Variants in ABCC5 observed in about 807,000 individuals in gnomAD.
ABCC5 encodes the protein ATP-binding cassette sub-family C member 5.
Under a neutral mutation model 160.9 loss-of-function variants are expected in ABCC5, and 61 were observed. The ratio of observed to expected loss-of-function variants is 0.38; its 90% CI spans 0.31 to 0.47. The LOEUF is 0.47. ABCC5 is among the 20% of genes least tolerant of loss of function. ABCC5 has a pLI of 0.99. For synonymous variants in ABCC5, 666 were observed against 700.6 expected (o/e 0.95, Z 0.78); for missense variants, 1,308 against 1,813.3 (o/e 0.72, Z 5.06).
intron 17 of ABCC5, among the ~76,000 whole-genome samples, chr3:183,957,907 G>T (rs1716331913): frequency 6.8e-6 from 1 of 146,080 alleles, no homozygotes; most frequent in African/African-American, 2.6e-5. Flanking sequence ...GTTACATGCG[G>T]ATCCGTGTGT....
chr3:183,957,106 G>A (rs1400495257), intron 17 of ABCC5, among the ~76,000 whole-genome samples: 10 of 74,026 alleles, frequency 1.4e-4, no homozygotes, highest in East Asian at 4.8e-4. Context: ...GGTTACATGC[G>A]GGTCCGTGTG....
intron 17 of ABCC5, among the ~76,000 whole-genome samples, chr3:183,954,800 C>G (rs982682587): frequency 2.6e-5 from 4 of 152,084 alleles, no homozygotes; most frequent in Non-Finnish European, 5.9e-5. Context: ...TCAGGAGGTC[C>G]TGAGAACAGG....
intron 10 of ABCC5, among the ~76,000 whole-genome samples, chr3:183,972,455 G>A (rs869335): frequency 0.046 from 7,011 of 152,168 alleles, 260 homozygotes; most frequent in East Asian, 0.17. Context: ...TTCATCTACC[G>A]CAGAGAACAT....
chr3:183,953,360 C>G, intron 17 of ABCC5, 90 bp from the exon 18 acceptor site: 2 of 1,209,080 alleles, frequency 1.7e-6, no homozygotes, highest in South Asian at 3.2e-5. Context: ...ATCGGACAAC[C>G]GGCAGCTTCA....
At position 183,951,424 on chromosome 3, in the gene ABCC5, G is replaced by A. The variant is rs372787700; in HGVS notation, c.2944+17C>T. 3.1e-6 allele frequency: 5 copies of A among 1,613,156 alleles called. No homozygotes were observed. The African/African-American group carries it at 4.0e-5, about 13-fold the overall frequency. On this transcript the variant is annotated intron_variant, in intron 20 of 29. Coordinates refer to ENST00000334444, the MANE Select transcript of ABCC5 (RefSeq NM_005688.4). The surrounding 1 kb of genome is among the most constrained non-coding windows in gnomAD (Gnocchi z 4.7). ...AGTGAGCTCCAGAGTATTAAAAAAA[G>A]GCTCAGTGAGAAATACCTTCATCCA...
chr3:183,921,248 G>T lies in ABCC5; in HGVS notation c.*52C>A. 9.1e-7 allele frequency: 1 copy of T among 1,100,388 alleles called. No homozygotes were observed. The highest frequency in any genetic ancestry group is 1.4e-6 in the Non-Finnish European group (1 of 737,722). The allele number at this position is 1,100,388 out of a possible 1,614,324, so 68.2% of individuals were successfully genotyped here. Reference sequence around the variant, plus strand: ...AGGACGCGATGAGGGGCCCGCCCCAGGCAGGGAATGGCAATGCTCTAAAGA... The same window carrying T: ...AGGACGCGATGAGGGGCCCGCCCCATGCAGGGAATGGCAATGCTCTAAAGA... On this transcript the variant is annotated 3_prime_UTR_variant, in exon 30 of 30. Coordinates refer to ENST00000334444, the MANE Select transcript of ABCC5 (RefSeq NM_005688.4). This position sits in a 1 kb window ranked among gnomAD's most constrained non-coding sequence, Gnocchi z 4.1.
intron 26 of ABCC5, among the ~76,000 whole-genome samples, chr3:183,937,213 C>T (rs1426045115): frequency 2.0e-5 from 3 of 151,982 alleles, no homozygotes; most frequent in Non-Finnish European, 4.4e-5. Flanking sequence ...CTCATCTCTA[C>T]TAAAAATACA....
Position 183,949,813 on chromosome 3 carries a change from G to C in ABCC5, c.3167C>G (p.Ser1056Cys). 6.2e-7 allele frequency: 1 copy of C among 1,614,184 alleles called. No individual in the cohort carries two copies. The highest frequency in any genetic ancestry group is 1.7e-5 in the Admixed American group (1 of 60,016). Reference protein sequence around the residue: ...TQSPFLSHITSSIQGLATIHA... With the variant: ...TQSPFLSHITCSIQGLATIHA... ...GATGGTGGCAAGGCCCTGTATGCTGGACGTGATGTGGGAGAGGAAAGGTGA... is the reference window on the plus strand; with the variant it reads ...GATGGTGGCAAGGCCCTGTATGCTGCACGTGATGTGGGAGAGGAAAGGTGA... Residue 1056 changes from serine (S) to cysteine (C), a missense_variant, in exon 22 of 30, where the codon TCC becomes TGC. Ser to Cys is a moderately radical substitution (Grantham distance 112). Around this residue, in one of 3 missense-constraint regions of ABCC5, gnomAD observed 1,142 missense variants for 1,527.1 expected, o/e 0.75. Coordinates refer to ENST00000334444, the MANE Select transcript of ABCC5 (RefSeq NM_005688.4). This position sits in a 1 kb window ranked among gnomAD's most constrained non-coding sequence, Gnocchi z 4.2.
chr3:183,954,811 C>A (rs1260643373), intron 17 of ABCC5, among the ~76,000 whole-genome samples: 1 of 152,088 alleles, frequency 6.6e-6, no homozygotes, highest in Non-Finnish European at 1.5e-5. Flanking sequence ...TGAGAACAGG[C>A]CCAAGGCAGT....
Position 183,988,441 on chromosome 3 carries a change from C to T in ABCC5, c.443+131G>A. The T allele has an allele frequency of 9.0e-7, 1 of 1,116,150 alleles. No individual in the cohort carries two copies. Among genetic ancestry groups the T allele is most frequent in the Non-Finnish European group, 1.3e-6 (1 of 796,726 alleles). The allele number at this position is 1,116,150 out of a possible 1,614,324, so 69.1% of individuals were successfully genotyped here. ...TAAAGCAAAAGAGCAAAGAGAAAGTCATCCCCAGGCCGCCCGCCCTCCACT... is the reference window on the plus strand; with the variant it reads ...TAAAGCAAAAGAGCAAAGAGAAAGTTATCCCCAGGCCGCCCGCCCTCCACT... On this transcript the variant is annotated intron_variant, in intron 4 of 29. Transcript: ENST00000334444. This position sits in a 1 kb window ranked among gnomAD's most constrained non-coding sequence, Gnocchi z 4.4.
chr3:183,976,253 A>C (rs1005864524), intron 10 of ABCC5, among the ~76,000 whole-genome samples: 2 of 151,262 alleles, frequency 1.3e-5, no homozygotes, highest in African/African-American at 4.9e-5. Flanking sequence ...ACAAACAACA[A>C]CAAAAAAAAA....
In ABCC5 at chr3:183,977,531, C is replaced by G; in HGVS notation, c.1390G>C (p.Val464Leu). 6.2e-7 allele frequency: 1 copy of G among 1,613,436 alleles called. No individual in the cohort carries two copies. The highest frequency in any genetic ancestry group is 8.5e-7 in the Non-Finnish European group (1 of 1,179,434). Residue 464 changes from valine (V) to leucine (L), a missense_variant, in exon 10 of 30, where the codon GTT (valine) becomes CTT (leucine). By Grantham distance (32) the Val-to-Leu change is conservative. Around this residue, in one of 3 missense-constraint regions of ABCC5, gnomAD observed 1,142 missense variants for 1,527.1 expected, o/e 0.75. Coordinates refer to ENST00000334444, the MANE Select transcript of ABCC5 (RefSeq NM_005688.4). ...GAGCCACTTACCTTAAATCTGTCAA[C>G]AGCCACTGAGGCTTCTGAGAGGGAC... The part of the protein sequence containing the change: ...VKSLSEASVA[V>L]DRFKSLFLME...
chr3:183,925,797 TATTTC>T lies in ABCC5; in HGVS notation c.4048-83_4048-79del. 3 of 1,387,002 alleles carry T rather than the reference TATTTC, an allele frequency of 2.2e-6. No individual in the cohort carries two copies. The South Asian group carries it at 4.1e-5, about 19-fold the overall frequency. 85.9% of individuals were successfully genotyped at this position (1,387,002 alleles called of 1,614,324 possible). ...GGTTAATCTAGATTTTACTAAAATGTATTTCATTTAAGTTTTACACTATCTATTGT... is the reference window on the plus strand; with the variant it reads ...GGTTAATCTAGATTTTACTAAAATGTATTTAAGTTTTACACTATCTATTGT... On this transcript the variant is annotated intron_variant, in intron 28 of 29. Transcript: ENST00000334444.
chr3:183,921,588 A>G lies in ABCC5; in HGVS notation c.4213-187T>C, dbSNP rs1356960914. On this transcript the variant is annotated intron_variant, in intron 29 of 29. Transcript: ENST00000334444. The surrounding 1 kb of genome is among the most constrained non-coding windows in gnomAD (Gnocchi z 4.1). ...ATCCAGGGAGTAAGGGAAAGGACAG[A>G]GAAAATGACTTCCAGCATTTTTGTA... is the stretch of plus-strand genomic sequence containing the variant. 6.6e-6 allele frequency among the ~76,000 whole-genome samples: 1 copy of G among 152,004 alleles called. No homozygotes were observed. Among genetic ancestry groups the G allele is most frequent in the East Asian group, 1.9e-4 (1 of 5,182 alleles).
chr3:183,974,498 G>A (rs372993616), intron 10 of ABCC5, among the ~76,000 whole-genome samples: 17 of 152,172 alleles, frequency 1.1e-4, no homozygotes, highest in African/African-American at 3.9e-4. Context: ...TAGTAGAGAC[G>A]GGGTTTCATA....
chr3:183,984,947 A>G, intron 5 of ABCC5: 1 of 1,496,032 alleles, frequency 6.7e-7, no homozygotes, highest in Non-Finnish European at 9.0e-7. Context: ...ATACCTTTAG[A>G]GTGCCATTTT....
At chr3:183,984,992 T>C in intron 5 of ABCC5, 1 of 1,032,464 alleles carries the variant, frequency 9.7e-7, no homozygotes, top group South Asian at 1.4e-5. Context: ...GCCTCCCAGA[T>C]GGGAGGAGCA....
At chr3:183,925,110 A>C (rs1281563298) in intron 29 of ABCC5, among the ~76,000 whole-genome samples, 1 of 152,220 alleles carries the variant, frequency 6.6e-6, no homozygotes, top group East Asian at 1.9e-4. Context: ...CAAAAAAGCA[A>C]ACATGTGCTG....
chr3:184,001,248 G>C, intron 2 of ABCC5: 1 of 534,510 alleles, frequency 1.9e-6, no homozygotes, highest in Non-Finnish European at 3.4e-6. Flanking sequence ...GTGAGACTCT[G>C]ACTCTAAAAA....
Sources: allele counts gnomAD v4.1 joint callset (sites outside exome capture counted in the v4.1 genomes callset), GRCh38; gene constraint gnomAD v4.1.1; regional missense constraint gnomAD v4.1.1; non-coding constraint Gnocchi (gnomAD v3.1); transcripts MANE v1.5; gene names NCBI Gene and HGNC (gene_info 2026-07-23, HGNC 2026-07-21).